CAMKMT: variants seen among roughly 807,000 people sequenced by gnomAD.
CAMKMT encodes CaM KMT.
CAMKMT carries 53 observed loss-of-function variants against 48.0 expected under a neutral mutation model. The observed-to-expected ratio is 1.10, with a 90% confidence interval of 0.89 to 1.39. The LOEUF (loss-of-function observed/expected upper bound fraction) is 1.39, where lower values mean the gene tolerates loss of function less well. Among genes scored for constraint, CAMKMT ranks in the 40% most tolerant of loss-of-function variants. The probability of loss-of-function intolerance (pLI) is 0.00; values close to 1 mark genes in which losing one functional copy is unlikely to be tolerated. For missense variants in CAMKMT, 428 were observed against 402.7 expected (o/e 1.06, Z -0.54); for synonymous variants, 165 against 152.3 (o/e 1.08, Z -0.61).
chr2:44,708,164 C>CA (rs1360270331), intron 6 of CAMKMT, among the ~76,000 whole-genome samples: 1 of 136,590 alleles, frequency 7.3e-6, no homozygotes, highest in Non-Finnish European at 1.5e-5. Context: ...GGGCAGTTAA[C>CA]AGCTGTTAGA....
rs778738809 is a variant in CAMKMT at position 44,372,814 on chromosome 2, G to A, written c.237G>A (p.Arg79=). The part of the protein sequence containing the change: ...NLFSVTEGKE[R]ETEEEVGAWV... The stretch of plus-strand genomic sequence containing the variant: ...TTTCAGTAACAGAAGGCAAAGAAAG[G>A]GAAACTGAAGAGGAGGTTGGTGCAT... The change falls in exon 2 of 11, where the codon AGG becomes AGA. Residue 79 remains arginine (R), a synonymous_variant. Coordinates refer to ENST00000378494, the MANE Select transcript of CAMKMT (RefSeq NM_024766.5). 3.1e-6 allele frequency: 5 copies of A among 1,613,888 alleles called. No individual in the cohort carries two copies. The highest frequency in any genetic ancestry group is 8.5e-7 in the Non-Finnish European group (1 of 1,179,920).
At chr2:44,412,438 C>G (rs1287988283) in intron 3 of CAMKMT, among the ~76,000 whole-genome samples, 1 of 152,142 alleles carries the variant, frequency 6.6e-6, no homozygotes, top group Non-Finnish European at 1.5e-5. Context: ...CAGGTTCAAG[C>G]AATTCTCCTG....
intron 3 of CAMKMT, chr2:44,391,905 T>C (rs1377020620): frequency 1.3e-5 from 2 of 152,726 alleles, no homozygotes; most frequent in African/African-American, 4.8e-5. Context: ...GACTTTGGAA[T>C]GATACTCACC....
rs180917638 is a variant in CAMKMT at position 44,413,233 on chromosome 2, T to A, written c.376+22928T>A. 1.5e-4 allele frequency among the ~76,000 whole-genome samples: 23 copies of A among 152,262 alleles called. No individual in the cohort carries two copies. The East Asian group carries it at 3.9e-3, about 26-fold the overall frequency. On this transcript the variant is annotated intron_variant, in intron 3 of 10. Coordinates refer to ENST00000378494, the MANE Select transcript of CAMKMT (RefSeq NM_024766.5). ...ACTTGAGTGATCCTATACATTAAAG[T>A]CACAGTGTACATTGTTTCTCTGCTT... is the stretch of plus-strand genomic sequence containing the variant.
intron 9 of CAMKMT, among the ~76,000 whole-genome samples, chr2:44,762,377 A>G (rs143449372): frequency 3.8e-4 from 58 of 152,352 alleles, no homozygotes; most frequent in Non-Finnish European, 6.6e-4. Flanking sequence ...TAGAATTGGT[A>G]TTTAATAGTT....
At chr2:44,445,637 A>G (rs1418164579) in intron 3 of CAMKMT, among the ~76,000 whole-genome samples, 1 of 132,444 alleles carries the variant, frequency 7.6e-6, no homozygotes, top group Non-Finnish European at 1.6e-5. Context: ...CATGTCGGCA[A>G]AAGGGTAGTT....
chr2:44,726,675 A>C (rs1357550315), intron 7 of CAMKMT, among the ~76,000 whole-genome samples: 1 of 152,210 alleles, frequency 6.6e-6, no homozygotes, highest in South Asian at 2.1e-4. Flanking sequence ...TTGGAGACTT[A>C]GCCAAAAATT....
At chr2:44,517,407 G>C (rs79850865) in intron 3 of CAMKMT, among the ~76,000 whole-genome samples, 1 of 152,292 alleles carries the variant, frequency 6.6e-6, no homozygotes, top group East Asian at 1.9e-4. Context: ...AAATTGTTCA[G>C]CAGACTCTCC....
intron 8 of CAMKMT, among the ~76,000 whole-genome samples, chr2:44,748,790 T>C (rs1479283904): frequency 6.6e-6 from 1 of 152,076 alleles, no homozygotes; most frequent in Admixed American, 6.5e-5. Flanking sequence ...GGCAGGAGAA[T>C]GGCATGAACC....
rs2103702828 is a variant in CAMKMT at position 44,563,463 on chromosome 2, GTTTC to G, written c.377-140816_377-140813del. ...ATATCAAGGGAGAGTATAGTCATTA[GTTTC>G]TTTTTTTTTATTATTATCCCCCATA... On this transcript the variant is annotated intron_variant, in intron 3 of 10. Coordinates refer to ENST00000378494, the MANE Select transcript of CAMKMT (RefSeq NM_024766.5). Among the ~76,000 whole-genome samples the G allele has an allele frequency of 1.3e-5, 2 of 151,710 alleles. 1 individual carries two copies. The highest frequency in any genetic ancestry group is 1.3e-4 in the Admixed American group (2 of 15,176).
chr2:44,382,914 G>T (rs1680401114), intron 2 of CAMKMT, among the ~76,000 whole-genome samples: 1 of 152,180 alleles, frequency 6.6e-6, no homozygotes, highest in South Asian at 2.1e-4. Context: ...TTGCTTGGCT[G>T]CCAAAACAAA....
rs2341462 is a variant in CAMKMT at position 44,614,528 on chromosome 2, C to G, written c.377-89755C>G. Among the ~76,000 whole-genome samples, 196 of 152,026 alleles carry G rather than the reference C, an allele frequency of 1.3e-3. 1 individual carries two copies. The highest frequency in any genetic ancestry group is 4.4e-3 in the African/African-American group (184 of 41,454). ...AATCTCTGCCTTCATGAAGGCTATA[C>G]TCTTATGAGCAAGATAAGCAGAACA... On this transcript the variant is annotated intron_variant, in intron 3 of 10. Coordinates refer to ENST00000378494, the MANE Select transcript of CAMKMT (RefSeq NM_024766.5).
chr2:44,488,871 G>GTGTGTA lies in CAMKMT; in HGVS notation c.376+98571_376+98572insATGTGT, dbSNP rs539784668. ...TGTGTGTGTGTGTGTGTGTGTGTGT[G>GTGTGTA]TGTGTGTTTTAAGAAATGGAGTCCC... On this transcript the variant is annotated intron_variant, in intron 3 of 10. Coordinates refer to ENST00000378494, the MANE Select transcript of CAMKMT (RefSeq NM_024766.5). 8.0e-3 allele frequency among the ~76,000 whole-genome samples: 1,187 copies of GTGTGTA among 148,852 alleles called. 15 individuals are homozygous for GTGTGTA. The highest frequency in any genetic ancestry group is 0.028 in the African/African-American group (1,135 of 41,132).
At chr2:44,557,769 G>A (rs904566021) in intron 3 of CAMKMT, among the ~76,000 whole-genome samples, 2 of 152,136 alleles carry the variant, frequency 1.3e-5, no homozygotes, top group Non-Finnish European at 2.9e-5. Context: ...GTATTTTTAA[G>A]TCACTTTTTT....
chr2:44,503,272 G>A (rs995716987), intron 3 of CAMKMT, among the ~76,000 whole-genome samples: 10 of 152,116 alleles, frequency 6.6e-5, no homozygotes, highest in African/African-American at 2.2e-4. Flanking sequence ...ACCTACCTTT[G>A]TTAGAAACTT....
chr2:44,416,045 A>G (rs908460707), intron 3 of CAMKMT, among the ~76,000 whole-genome samples: 1 of 152,202 alleles, frequency 6.6e-6, no homozygotes, highest in African/African-American at 2.4e-5. Context: ...ATACTGAATA[A>G]TTGTTTCAGT....
intron 3 of CAMKMT, among the ~76,000 whole-genome samples, chr2:44,600,866 A>G (rs1670944765): frequency 6.6e-6 from 1 of 152,132 alleles, no homozygotes; most frequent in Non-Finnish European, 1.5e-5. Flanking sequence ...CAATTATAGT[A>G]CAATGTTGAG....
intron 3 of CAMKMT, among the ~76,000 whole-genome samples, chr2:44,679,621 T>G (rs918993206): frequency 2.6e-5 from 4 of 152,202 alleles, no homozygotes; most frequent in Admixed American, 2.6e-4. Context: ...GAAAACTAAT[T>G]TTAACGTTAA....
At chr2:44,682,805 T>G (rs774342010) in intron 3 of CAMKMT, among the ~76,000 whole-genome samples, 1 of 152,214 alleles carries the variant, frequency 6.6e-6, no homozygotes, top group Non-Finnish European at 1.5e-5. Context: ...TTGTATATAT[T>G]ACATGATTCT....
Sources: gnomAD v4.1 joint callset for allele counts (sites outside exome capture counted in the v4.1 genomes callset) on GRCh38, gnomAD v4.1.1 for gene constraint, MANE v1.5 for transcripts, NCBI Gene and HGNC (gene_info 2026-07-23, HGNC 2026-07-21) for gene names.